Variants in TENM3 observed in about 807,000 individuals in gnomAD.
The protein encoded by TENM3 is teneurin transmembrane protein 3, also known as teneurin-3.
TENM3 carries 63 observed loss-of-function variants against 255.1 expected under a neutral mutation model. The observed-to-expected ratio is 0.25, with a 90% CI of 0.20 to 0.30. The LOEUF (loss-of-function observed/expected upper bound fraction) is 0.30, where lower values mean the gene tolerates loss of function less well. Ranked by LOEUF, TENM3 falls within the 10% of genes least tolerant of loss-of-function variation. TENM3 has a pLI of 1.00. For missense variants in TENM3, 2,929 were observed against 3,461.1 expected, an observed-to-expected ratio of 0.85 and a Z score of 3.86; for synonymous variants, 1,306 against 1,322.3, an observed-to-expected ratio of 0.99 and a Z score of 0.27.
At chr4:181,725,655 G>C in the TENM3 span, among the ~76,000 whole-genome samples, 17,125 of 151,862 alleles carry the variant, frequency 0.11, 1,229 homozygotes, top group African/African-American at 0.21. Context: ...TGTTAGCCAG[G>C]ATGGTCTCGA....
chr4:182,540,730 A>G (rs1215271014), intron 3 of TENM3, among the ~76,000 whole-genome samples: 1 of 152,186 alleles, frequency 6.6e-6, no homozygotes, highest in Admixed American at 6.5e-5. Context: ...AGGAATTGAG[A>G]TAGCTCGGTG....
chr4:181,777,683 A>G, the TENM3 span, among the ~76,000 whole-genome samples: 10 of 152,140 alleles, frequency 6.6e-5, no homozygotes, highest in Non-Finnish European at 1.0e-4. Context: ...GCTGATTCCT[A>G]TTGCTAATGT....
intron 22 of TENM3, among the ~76,000 whole-genome samples, chr4:182,770,305 T>C (rs1163128530): frequency 6.6e-6 from 1 of 152,088 alleles, no homozygotes; most frequent in East Asian, 1.9e-4. Flanking sequence ...CACCCCCACC[T>C]TAGGTTCCTC....
chr4:181,829,482 A>T, the TENM3 span, among the ~76,000 whole-genome samples: 2 of 152,184 alleles, frequency 1.3e-5, no homozygotes, highest in South Asian at 4.1e-4. Flanking sequence ...CCTGAACTTC[A>T]TATGTGTAGA....
chr4:182,326,394 T>C (rs1188626064), intron 2 of TENM3, among the ~76,000 whole-genome samples: 1 of 152,164 alleles, frequency 6.6e-6, no homozygotes, highest in Admixed American at 6.5e-5. Context: ...TCCTGAGAAC[T>C]AAGCTGGAAC....
intron 1 of TENM3, among the ~76,000 whole-genome samples, chr4:182,194,891 T>C (rs74790844): frequency 0.03 from 4,527 of 152,242 alleles, 255 homozygotes; most frequent in African/African-American, 0.1. Context: ...TGGCTATGCA[T>C]GTTTTTTTCC....
chr4:182,016,937 T>C, the TENM3 span, among the ~76,000 whole-genome samples: 2 of 152,188 alleles, frequency 1.3e-5, no homozygotes, highest in African/African-American at 2.4e-5. Flanking sequence ...GAGCACATAA[T>C]TTGGGCTAGT....
intron 6 of TENM3, among the ~76,000 whole-genome samples, chr4:182,655,075 G>A (rs1753641492): frequency 6.6e-6 from 1 of 152,324 alleles, no homozygotes; most frequent in South Asian, 2.1e-4. Context: ...GGGGGTTAAA[G>A]AGGGTTGAAA....
intron 5 of TENM3, among the ~76,000 whole-genome samples, chr4:182,643,727 TA>T (rs745537948): frequency 1.3e-5 from 2 of 152,234 alleles, no homozygotes; most frequent in Non-Finnish European, 2.9e-5. Context: ...ACTCTGATTT[TA>T]TTTTCTGCAA....
chr4:182,381,195 G>C (rs561019159), intron 3 of TENM3, among the ~76,000 whole-genome samples: 1 of 152,226 alleles, frequency 6.6e-6, no homozygotes, highest in East Asian at 1.9e-4. Context: ...GGGATCCCCC[G>C]ACAGGGGGAA....
At chr4:181,844,084 G>A in the TENM3 span, among the ~76,000 whole-genome samples, 3 of 152,030 alleles carry the variant, frequency 2.0e-5, no homozygotes, top group Admixed American at 1.3e-4. Context: ...GTGTGTGAAA[G>A]AGAGAAAGAG....
the TENM3 span, among the ~76,000 whole-genome samples, chr4:181,602,339 G>A: frequency 6.6e-6 from 1 of 152,138 alleles, no homozygotes; most frequent in Non-Finnish European, 1.5e-5. Context: ...AAGGTTAATG[G>A]CATTTTATTG....
the TENM3 span, among the ~76,000 whole-genome samples, chr4:181,560,168 G>A: frequency 6.6e-6 from 1 of 152,188 alleles, no homozygotes; most frequent in Non-Finnish European, 1.5e-5. Flanking sequence ...AGCGTCTGGT[G>A]AGCACTGGCT....
chr4:181,639,060 G>A, the TENM3 span, among the ~76,000 whole-genome samples: 1 of 152,060 alleles, frequency 6.6e-6, no homozygotes, highest in Admixed American at 6.6e-5. Flanking sequence ...TTTTTTGACT[G>A]TTTGGGAATA....
At chr4:181,537,185 A>G in the TENM3 span, among the ~76,000 whole-genome samples, 1 of 152,184 alleles carries the variant, frequency 6.6e-6, no homozygotes, top group South Asian at 2.1e-4. Context: ...GCTTTGATTA[A>G]GAAAGGGAGT....
intron 3 of TENM3, among the ~76,000 whole-genome samples, chr4:182,571,648 A>G (rs1744388174): frequency 6.6e-6 from 1 of 152,218 alleles, no homozygotes; most frequent in African/African-American, 2.4e-5. Flanking sequence ...ATTCTAGTTA[A>G]TTGGATTAGA....
In TENM3 at chr4:182,175,334, T is replaced by TAC. The variant is rs761114899; in HGVS notation, c.-76+30586_-76+30587dup. 8.7e-3 allele frequency among the ~76,000 whole-genome samples: 1,277 copies of TAC among 146,008 alleles called. 18 individuals are homozygous for TAC. The highest frequency in any genetic ancestry group is 0.033 in the Middle Eastern group (9 of 276). On this transcript the variant is annotated intron_variant, in intron 1 of 2. Transcript: ENST00000512480. ...AAAAAAATATATATATATATATATA[T>TAC]ACACACAAGTATTTGCAAACCATAA...
the TENM3 span, among the ~76,000 whole-genome samples, chr4:181,593,416 C>A: frequency 6.6e-6 from 1 of 152,134 alleles, no homozygotes; most frequent in Admixed American, 6.5e-5. Context: ...TAGCCTCCAT[C>A]AGCTTTCTAG....
the TENM3 span, among the ~76,000 whole-genome samples, chr4:182,080,830 A>G: frequency 6.6e-6 from 1 of 151,898 alleles, no homozygotes; most frequent in Non-Finnish European, 1.5e-5. Context: ...CGCCTTTATA[A>G]AAAATTAAAA....
Sources: gnomAD v4.1 joint callset for allele counts (sites outside exome capture counted in the v4.1 genomes callset) on GRCh38, gnomAD v4.1.1 for gene constraint, MANE v1.5 for transcripts, NCBI Gene and HGNC (gene_info 2026-07-23, HGNC 2026-07-21) for gene names.